MAPRE2: variants seen among roughly 807,000 people sequenced by gnomAD.
MAPRE2 encodes microtubule-associated protein RP/EB family member 2.
MAPRE2 carries 13 observed loss-of-function variants against 43.2 expected under a neutral mutation model. That is an observed-to-expected ratio of 0.30 (90% confidence interval 0.20 to 0.48). The LOEUF (loss-of-function observed/expected upper bound fraction) is 0.48. Ranked by LOEUF, MAPRE2 falls within the 20% of genes least tolerant of loss-of-function variation. MAPRE2 has a pLI of 0.99. For missense variants in MAPRE2, 161 were observed against 400.2 expected (o/e 0.40, Z 5.10); for synonymous variants, 135 against 148.8 (o/e 0.91, Z 0.68).
chr18:35,040,159 C>T (rs2097052886), upstream of MAPRE2, among the ~76,000 whole-genome samples: 2 of 152,228 alleles, frequency 1.3e-5, no homozygotes, highest in African/African-American at 2.4e-5. Flanking sequence ...GCTGAGATTG[C>T]GCCACTGCAC....
intron 4 of MAPRE2, among the ~76,000 whole-genome samples, chr18:35,122,055 C>T (rs1472684454): frequency 1.3e-5 from 2 of 152,116 alleles, no homozygotes; most frequent in African/African-American, 4.8e-5. Context: ...AGCAAATAAA[C>T]AAAAACAAGT....
intron 1 of MAPRE2, among the ~76,000 whole-genome samples, chr18:35,047,726 A>AAC (rs1555913481): frequency 2.6e-5 from 4 of 151,890 alleles, no homozygotes; most frequent in Non-Finnish European, 5.9e-5. Flanking sequence ...TAAAAAAAAA[A>AAC]AAAAAACACT....
At chr18:35,040,696 TA>T (rs2097053224), upstream of MAPRE2, among the ~76,000 whole-genome samples, 2 of 152,228 alleles carry the variant, frequency 1.3e-5, no homozygotes, top group Admixed American at 1.3e-4. Context: ...GGAGGCAGCA[TA>T]AAGAATTTGA....
intron 1 of MAPRE2, among the ~76,000 whole-genome samples, chr18:34,989,464 T>A (rs979548811): frequency 1.3e-5 from 2 of 152,096 alleles, no homozygotes; most frequent in Admixed American, 1.3e-4. Flanking sequence ...AATGCCAGCA[T>A]TTTGGGAGGC....
intron 2 of MAPRE2, among the ~76,000 whole-genome samples, chr18:35,025,865 T>G (rs1331325562): frequency 6.6e-6 from 1 of 152,224 alleles, no homozygotes; most frequent in Admixed American, 6.5e-5. Flanking sequence ...TTGCTTATGC[T>G]GATACCAGGT....
intron 1 of MAPRE2, among the ~76,000 whole-genome samples, chr18:35,004,137 T>G (rs891662168): frequency 6.6e-6 from 1 of 152,218 alleles, no homozygotes; most frequent in African/African-American, 2.4e-5. Flanking sequence ...TTTTCACCTT[T>G]TTTTAACTAA....
chr18:35,018,961 T>C (rs1034238906), intron 2 of MAPRE2, among the ~76,000 whole-genome samples: 1 of 152,040 alleles, frequency 6.6e-6, no homozygotes, highest in Non-Finnish European at 1.5e-5. Context: ...TTTAGCACTA[T>C]AGACTTTCCT....
chr18:35,131,955 T>G, intron 5 of MAPRE2, 77 bp from the exon 6 acceptor site: 1 of 1,419,898 alleles, frequency 7.0e-7, no homozygotes, highest in East Asian at 2.3e-5. Context: ...CTTTTGGGTT[T>G]TATTCACAGG....
At chr18:35,106,181 A>T (rs1908895405) in intron 4 of MAPRE2, among the ~76,000 whole-genome samples, 1 of 152,126 alleles carries the variant, frequency 6.6e-6, no homozygotes, top group African/African-American at 2.4e-5. Flanking sequence ...TCCCACCTCT[A>T]AGCCTTGGTC....
At position 35,017,876 on chromosome 18, in the gene MAPRE2, G is replaced by A. The variant is rs189372625; in HGVS notation, c.-8+12323G>A. On this transcript the variant is annotated intron_variant, in intron 2 of 7. Transcript: ENST00000413393. Reference sequence around the variant, plus strand: ...CAGTATTATGTTAAATAGGAGGGATGAGAGTGGGCATCTTTGTCTTGTTCC... The same window carrying A: ...CAGTATTATGTTAAATAGGAGGGATAAGAGTGGGCATCTTTGTCTTGTTCC... Among the ~76,000 whole-genome samples the A allele has an allele frequency of 1.8e-4, 28 of 151,726 alleles. No homozygotes were observed. The East Asian group carries it at 5.4e-3, about 29-fold the overall frequency.
At chr18:35,124,787 T>C (rs190370360) in intron 4 of MAPRE2, among the ~76,000 whole-genome samples, 30 of 152,332 alleles carry the variant, frequency 2.0e-4, no homozygotes, top group Admixed American at 7.2e-4. Flanking sequence ...CAGAGAAGAT[T>C]CTTTGCCAGA....
intron 2 of MAPRE2, among the ~76,000 whole-genome samples, chr18:35,035,400 A>T (rs2097050046): frequency 6.6e-6 from 1 of 151,930 alleles, no homozygotes; most frequent in South Asian, 2.1e-4. Flanking sequence ...ATTAGGAGAT[A>T]TACCTAATGC....
chr18:35,033,725 A>C (rs1243787814), intron 2 of MAPRE2, among the ~76,000 whole-genome samples: 5 of 151,436 alleles, frequency 3.3e-5, no homozygotes, highest in Admixed American at 6.6e-5. Flanking sequence ...AATAACAGAC[A>C]AACAGAGAGC....
At chr18:35,024,158 A>AG (rs1262621070) in intron 2 of MAPRE2, among the ~76,000 whole-genome samples, 4 of 152,210 alleles carry the variant, frequency 2.6e-5, no homozygotes, top group African/African-American at 4.8e-5. Context: ...GGTTTGTAGC[A>AG]GGGGGAAAGT....
In MAPRE2 at chr18:35,011,826, G is replaced by A. The variant is rs534291684; in HGVS notation, c.-8+6273G>A. ...CGTCAAGGAGTTATTCATTCATCTA[G>A]CGAACACACAGTGAGTGCTTGCTAT... On this transcript the variant is annotated intron_variant, in intron 2 of 7. Transcript: ENST00000413393. Among the ~76,000 whole-genome samples, 3 of 152,290 alleles carry A rather than the reference G, an allele frequency of 2.0e-5. No individual in the cohort carries two copies. The South Asian group carries it at 6.2e-4, about 32-fold the overall frequency.
chr18:35,123,351 G>T (rs1341034297), intron 4 of MAPRE2, among the ~76,000 whole-genome samples: 1 of 152,204 alleles, frequency 6.6e-6, no homozygotes, highest in African/African-American at 2.4e-5. Flanking sequence ...ACATGAGTGT[G>T]TCTGATGATC....
rs1910602941 is a variant in MAPRE2 at position 35,140,853 on chromosome 18, C to A, written c.*484C>A. On this transcript the variant is annotated 3_prime_UTR_variant, in exon 7 of 7. Coordinates refer to ENST00000300249, the MANE Select transcript of MAPRE2 (RefSeq NM_014268.4). ...CATAAATTTGGTCAAATAATTGGAA[C>A]AAAGGGAAACAGATACTTGATATGA... 6.5e-6 allele frequency: 1 copy of A among 153,748 alleles called. No homozygotes were observed. The highest frequency in any genetic ancestry group is 6.5e-5 in the Admixed American group (1 of 15,398). 9.5% of individuals were successfully genotyped at this position (153,748 alleles called of 1,614,324 possible).
rs547045109 is a variant in MAPRE2 at position 35,076,499 on chromosome 18, A to C, written c.250+6177A>C. 5.3e-5 allele frequency among the ~76,000 whole-genome samples: 8 copies of C among 152,286 alleles called. No homozygotes were observed. The East Asian group carries it at 1.5e-3, about 29-fold the overall frequency. On this transcript the variant is annotated intron_variant, in intron 2 of 6. Transcript: ENST00000300249. ...CTCAGAAATGTCCCCCTCCCTCTTAAGTCAGATGGAGTGACAAGTGTGTAT... is the reference window on the plus strand; with the variant it reads ...CTCAGAAATGTCCCCCTCCCTCTTACGTCAGATGGAGTGACAAGTGTGTAT...
rs555353718 is a variant in MAPRE2, at chr18:35,001,233, T to C, written c.-69-4259T>C. Among the ~76,000 whole-genome samples, 11 of 152,302 alleles carry C rather than the reference T, an allele frequency of 7.2e-5. 1 individual carries two copies. Among genetic ancestry groups the C allele is most frequent in the Admixed American group, 7.2e-4 (11 of 15,288 alleles). On this transcript the variant is annotated intron_variant, in intron 1 of 7. Coordinates refer to the MAPRE2 transcript ENST00000413393. ...GTTAAAAAATACAGGATATATCAGC[T>C]GGGTGCCATGGCTCACACCTGTTAT...
Sources: allele counts gnomAD v4.1 joint callset (sites outside exome capture counted in the v4.1 genomes callset), GRCh38; gene constraint gnomAD v4.1.1; transcripts MANE v1.5; gene names NCBI Gene and HGNC (gene_info 2026-07-23, HGNC 2026-07-21).